The following ZBTB20 variants were observed in gnomAD, a reference collection of about 807,000 sequenced individuals.
ZBTB20 encodes zinc finger and BTB domain-containing protein 20.
ZBTB20 carries 9 observed loss-of-function variants against 56.9 expected under a neutral mutation model. The observed-to-expected ratio is 0.16, with a 90% CI of 0.10 to 0.28. The LOEUF (loss-of-function observed/expected upper bound fraction) is 0.28, where lower values mean the gene tolerates loss of function less well. Ranked by LOEUF, ZBTB20 falls within the 10% of genes least tolerant of loss-of-function variation. The probability of loss-of-function intolerance (pLI) is 1.00; values close to 1 mark genes in which losing one functional copy is unlikely to be tolerated. For missense variants in ZBTB20, 655 were observed against 1,003.0 expected (o/e 0.65, Z 4.69); for synonymous variants, 417 against 420.7 (o/e 0.99, Z 0.11).
chr3:114,660,082 T>A, intron 6 of ZBTB20, among the ~76,000 whole-genome samples: 1 of 152,120 alleles, frequency 6.6e-6, no homozygotes, highest in Non-Finnish European at 1.5e-5. Context: ...TAAAAATGTA[T>A]TTTCCATTGA....
At chr3:114,501,982 A>G (rs1037134376) in intron 6 of ZBTB20, among the ~76,000 whole-genome samples, 1 of 152,096 alleles carries the variant, frequency 6.6e-6, no homozygotes, top group Non-Finnish European at 1.5e-5. Context: ...TGCTGGAATT[A>G]CAAGTGTGAG....
intron 2 of ZBTB20, among the ~76,000 whole-genome samples, chr3:115,058,214 T>C (rs2081882687): frequency 6.6e-6 from 1 of 152,206 alleles, no homozygotes; most frequent in Non-Finnish European, 1.5e-5. Flanking sequence ...AAATTCTAAG[T>C]CTTCTAGTTT....
At chr3:114,806,605 G>T (rs2072123306) in intron 4 of ZBTB20, among the ~76,000 whole-genome samples, 1 of 151,806 alleles carries the variant, frequency 6.6e-6, no homozygotes, top group Admixed American at 6.6e-5. Context: ...AAATTTTGTT[G>T]ACATCCTAAT....
chr3:114,947,616 C>T (rs1454532342), intron 3 of ZBTB20, among the ~76,000 whole-genome samples: 1 of 145,118 alleles, frequency 6.9e-6, no homozygotes, highest in Non-Finnish European at 1.5e-5. Context: ...TACACATTGA[C>T]ATAGAGGGTG....
At chr3:114,592,745 T>C (rs907905436) in intron 6 of ZBTB20, among the ~76,000 whole-genome samples, 21 of 152,242 alleles carry the variant, frequency 1.4e-4, no homozygotes, top group South Asian at 8.3e-4. Context: ...CTAAAGAGAT[T>C]ACTTATTCTA....
chr3:114,908,482 T>C (rs1018955581), intron 3 of ZBTB20, among the ~76,000 whole-genome samples: 1 of 151,992 alleles, frequency 6.6e-6, no homozygotes, highest in East Asian at 1.9e-4. Flanking sequence ...AACCTCCTAA[T>C]AGATCTGGAA....
At chr3:114,839,203 C>A (rs111681614) in intron 4 of ZBTB20, among the ~76,000 whole-genome samples, 1,609 of 152,140 alleles carry the variant, frequency 0.011, 23 homozygotes, top group African/African-American at 0.037. Flanking sequence ...GAGTTCAAGA[C>A]CAGCTTTGGC....
At chr3:115,062,205 A>G (rs1196477442) in intron 2 of ZBTB20, among the ~76,000 whole-genome samples, 1 of 152,180 alleles carries the variant, frequency 6.6e-6, no homozygotes, top group African/African-American at 2.4e-5. Flanking sequence ...AAACTGCCAC[A>G]ATGCACCATT....
intron 6 of ZBTB20, among the ~76,000 whole-genome samples, chr3:114,559,848 G>A (rs1254082603): frequency 6.6e-6 from 1 of 152,168 alleles, no homozygotes; most frequent in Non-Finnish European, 1.5e-5. Flanking sequence ...AAGACGATGA[G>A]AAGGGAGGTA....
intron 6 of ZBTB20, among the ~76,000 whole-genome samples, chr3:114,639,450 C>T (rs1051501305): frequency 4.0e-5 from 6 of 150,290 alleles, no homozygotes; most frequent in Non-Finnish European, 8.9e-5. Context: ...GTGAACTAGT[C>T]CACAACAAAA....
At chr3:114,347,598 C>A (rs1460483438) in intron 11 of ZBTB20, among the ~76,000 whole-genome samples, 1 of 152,098 alleles carries the variant, frequency 6.6e-6, no homozygotes, top group Non-Finnish European at 1.5e-5. Context: ...TACAATGAAC[C>A]CAGGTCTTGA....
chr3:114,632,055 G>A (rs1045590597), intron 6 of ZBTB20, among the ~76,000 whole-genome samples: 4 of 152,164 alleles, frequency 2.6e-5, no homozygotes, highest in Admixed American at 6.5e-5. Flanking sequence ...CTATACTGAG[G>A]TCAGGACCAC....
chr3:115,048,027 T>C (rs1424114158), intron 2 of ZBTB20, among the ~76,000 whole-genome samples: 2 of 151,602 alleles, frequency 1.3e-5, no homozygotes, highest in East Asian at 1.9e-4. Context: ...GAGACCATCC[T>C]GGCTAACACG....
chr3:114,539,794 T>A (rs967321548), intron 6 of ZBTB20, among the ~76,000 whole-genome samples: 3 of 152,096 alleles, frequency 2.0e-5, no homozygotes, highest in Admixed American at 1.3e-4. Flanking sequence ...AAATGATTCA[T>A]CCATCTTTGT....
chr3:115,144,884 C>G (rs968745597), intron 1 of ZBTB20: 2 of 152,204 alleles, frequency 1.3e-5, no homozygotes, highest in Non-Finnish European at 2.9e-5. Context: ...TGCACAAGGC[C>G]TGTATTCCAC....
At chr3:115,023,257 A>T (rs1181300536) in intron 2 of ZBTB20, among the ~76,000 whole-genome samples, 1 of 151,116 alleles carries the variant, frequency 6.6e-6, no homozygotes, top group East Asian at 1.9e-4. Context: ...TTTTTTTAAA[A>T]AATGGACAGT....
chr3:114,588,601 A>G (rs914432778), intron 6 of ZBTB20, among the ~76,000 whole-genome samples: 1 of 152,108 alleles, frequency 6.6e-6, no homozygotes, highest in Non-Finnish European at 1.5e-5. Context: ...AGAATTCTTA[A>G]TAGCTACTGA....
chr3:114,386,231 TTAAGA>T (rs1426328134), intron 8 of ZBTB20, among the ~76,000 whole-genome samples: 1 of 152,230 alleles, frequency 6.6e-6, no homozygotes, highest in Non-Finnish European at 1.5e-5. Context: ...TCACATCAAT[TTAAGA>T]TATTTTAGTG....
At chr3:115,068,456 G>A (rs1477472604) in intron 2 of ZBTB20, among the ~76,000 whole-genome samples, 1 of 152,060 alleles carries the variant, frequency 6.6e-6, no homozygotes, top group African/African-American at 2.4e-5. Context: ...AGGGCAAAAG[G>A]CTGAGGACAG....
Sources: gnomAD v4.1 joint callset for allele counts (sites outside exome capture counted in the v4.1 genomes callset) on GRCh38, gnomAD v4.1.1 for gene constraint, MANE v1.5 for transcripts, NCBI Gene and HGNC (gene_info 2026-07-23, HGNC 2026-07-21) for gene names.